The following ANKRD12 variants were observed in gnomAD, a reference collection of about 807,000 sequenced individuals.
The protein encoded by ANKRD12 is ankyrin repeat domain-containing protein 12.
ANKRD12 carries 85 observed loss-of-function variants against 183.4 expected under a neutral mutation model. The observed-to-expected ratio is 0.46, with a 90% CI of 0.39 to 0.56. The LOEUF (loss-of-function observed/expected upper bound fraction) is 0.56. Among genes scored for constraint, ANKRD12 ranks in the 20% least tolerant of loss-of-function variants. ANKRD12 has a pLI of 0.00. For missense variants in ANKRD12, 2,405 were observed against 2,357.1 expected (o/e 1.02, Z -0.42); for synonymous variants, 914 against 800.2 (o/e 1.14, Z -2.40).
chr18:9,244,672 C>T (rs959946564), intron 8 of ANKRD12, among the ~76,000 whole-genome samples: 1 of 152,132 alleles, frequency 6.6e-6, no homozygotes, highest in Non-Finnish European at 1.5e-5. Context: ...GCATTTTGTG[C>T]TGATGAACAA....
intron 1 of ANKRD12, among the ~76,000 whole-genome samples, chr18:9,164,619 G>T (rs2031834614): frequency 6.6e-6 from 1 of 152,104 alleles, no homozygotes. Context: ...TCGTTTCCAA[G>T]AACTTCTTGA....
intron 10 of ANKRD12, among the ~76,000 whole-genome samples, chr18:9,270,582 AGG>A (rs2039545620): frequency 1.3e-5 from 2 of 152,166 alleles, no homozygotes; most frequent in East Asian, 3.9e-4. Flanking sequence ...ACATGGACAC[AGG>A]AAGGGGAATG....
At chr18:9,209,523 T>C (rs1241393756) in intron 5 of ANKRD12, among the ~76,000 whole-genome samples, 1 of 152,178 alleles carries the variant, frequency 6.6e-6, no homozygotes, top group Non-Finnish European at 1.5e-5. Flanking sequence ...TATTGCCTCT[T>C]TTTAAAAAAC....
chr18:9,246,219 A>T (rs1176385095), intron 8 of ANKRD12, among the ~76,000 whole-genome samples: 1 of 152,182 alleles, frequency 6.6e-6, no homozygotes, highest in Non-Finnish European at 1.5e-5. Flanking sequence ...AACAAAGTTG[A>T]TATTATTGTA....
intron 8 of ANKRD12, among the ~76,000 whole-genome samples, chr18:9,224,069 A>G (rs756021918): frequency 6.6e-6 from 1 of 152,370 alleles, no homozygotes; most frequent in African/African-American, 2.4e-5. Flanking sequence ...ATATAGCAGA[A>G]TGAAACCAGG....
chr18:9,175,523 CTTTTTTTTTTTTT>C (rs33944736), intron 1 of ANKRD12, among the ~76,000 whole-genome samples: 3 of 53,302 alleles, frequency 5.6e-5, no homozygotes, highest in South Asian at 1.0e-3. Flanking sequence ...AAAGGCTCCT[CTTTTTTTTTTTTT>C]TTTTTTTTTT....
intron 10 of ANKRD12, among the ~76,000 whole-genome samples, chr18:9,267,554 C>T (rs528143887): frequency 4.6e-5 from 7 of 151,954 alleles, no homozygotes; most frequent in East Asian, 1.9e-4. Flanking sequence ...GCAGAAATAA[C>T]GATGTTCTTT....
At chr18:9,198,751 T>C in intron 3 of ANKRD12, among the ~76,000 whole-genome samples, 1 of 151,956 alleles carries the variant, frequency 6.6e-6, no homozygotes, top group East Asian at 1.9e-4. Flanking sequence ...AGTTTCACCA[T>C]GTTGGCCAGG....
At chr18:9,244,432 G>A (rs938541803) in intron 8 of ANKRD12, among the ~76,000 whole-genome samples, 4 of 152,052 alleles carry the variant, frequency 2.6e-5, no homozygotes, top group Non-Finnish European at 5.9e-5. Flanking sequence ...AGATCTTCCT[G>A]TTGAAGCTTC....
chr18:9,285,175 C>G lies in ANKRD12; in HGVS notation c.*4049C>G, dbSNP rs1174110918. The G allele has an allele frequency of 1.3e-5, 2 of 150,498 alleles. No homozygotes were observed. The highest frequency in any genetic ancestry group is 2.1e-4 in the South Asian group (1 of 4,784). The allele number at this position is 150,498 out of a possible 1,614,324, so 9.3% of individuals were successfully genotyped here. A position where few individuals can be genotyped will look rare whatever the true frequency, so the allele number is the denominator to read the frequency against. On this transcript the variant is annotated 3_prime_UTR_variant, in exon 13 of 13. Coordinates refer to ENST00000262126, the MANE Select transcript of ANKRD12 (RefSeq NM_015208.5). ...AGTGAGCCGAGATCGTGCCACTGCA[C>G]TCCAGCCTGGGCGACAGAGCGAGAC...
At chr18:9,234,235 C>A (rs1275775304) in intron 8 of ANKRD12, among the ~76,000 whole-genome samples, 1 of 152,208 alleles carries the variant, frequency 6.6e-6, no homozygotes, top group African/African-American at 2.4e-5. Context: ...ACCCCAGCCT[C>A]CCGTGGTAGC....
At chr18:9,153,114 G>A (rs1173499266) in intron 1 of ANKRD12, among the ~76,000 whole-genome samples, 3 of 152,128 alleles carry the variant, frequency 2.0e-5, no homozygotes, top group African/African-American at 2.4e-5. Context: ...AATTACAGGC[G>A]TGAGCCACTG....
intron 1 of ANKRD12, among the ~76,000 whole-genome samples, chr18:9,180,245 G>A (rs943915519): frequency 7.2e-5 from 11 of 152,022 alleles, no homozygotes; most frequent in Admixed American, 2.6e-4. Flanking sequence ...CTGTTTTGTC[G>A]ATGTTGTTAA....
At chr18:9,170,722 C>G (rs1192600535) in intron 1 of ANKRD12, among the ~76,000 whole-genome samples, 1 of 151,962 alleles carries the variant, frequency 6.6e-6, no homozygotes, top group Non-Finnish European at 1.5e-5. Flanking sequence ...GTCATTCTCC[C>G]TCCAGCTTTG....
chr18:9,144,091 A>G, intron 1 of ANKRD12, among the ~76,000 whole-genome samples: 1 of 152,034 alleles, frequency 6.6e-6, no homozygotes, highest in East Asian at 1.9e-4. Context: ...AATCATTTGC[A>G]TTTTCTCTAC....
At chr18:9,188,518 A>C (rs1038618991) in intron 2 of ANKRD12, among the ~76,000 whole-genome samples, 18 of 152,328 alleles carry the variant, frequency 1.2e-4, no homozygotes, top group African/African-American at 4.3e-4. Context: ...CTGTAATGGC[A>C]CCACCTACAG....
intron 1 of ANKRD12, among the ~76,000 whole-genome samples, chr18:9,175,315 C>T (rs1180220830): frequency 6.6e-6 from 1 of 151,934 alleles, no homozygotes; most frequent in African/African-American, 2.4e-5. Context: ...ATTTCTGTTC[C>T]CCATAGTCCT....
At position 9,283,234 on chromosome 18, in the gene ANKRD12, A is replaced by T. The variant is rs2040162999; in HGVS notation, c.*2108A>T. ...TGATGGTTCAACCAGAGGTCTGGGAAATAGCACTGTTGGCCCAAACAGAAC... is the reference window on the plus strand; with the variant it reads ...TGATGGTTCAACCAGAGGTCTGGGATATAGCACTGTTGGCCCAAACAGAAC... On this transcript the variant is annotated 3_prime_UTR_variant, in exon 13 of 13. Coordinates refer to ENST00000262126, the MANE Select transcript of ANKRD12 (RefSeq NM_015208.5). 1 of 152,184 alleles carries T rather than the reference A, an allele frequency of 6.6e-6. No individual in the cohort carries two copies. Among genetic ancestry groups the T allele is most frequent in the African/African-American group, 2.4e-5 (1 of 41,450 alleles). 9.4% of individuals were successfully genotyped at this position (152,184 alleles called of 1,614,324 possible). A position where few individuals can be genotyped will look rare whatever the true frequency, so the allele number is the denominator to read the frequency against.
intron 11 of ANKRD12, 115 bp downstream of exon 11, chr18:9,275,782 G>A: frequency 1.8e-6 from 2 of 1,098,716 alleles, no homozygotes; most frequent in African/African-American, 1.6e-5. Flanking sequence ...AAAGGTCAAA[G>A]AAGAAAAAAA....
Sources: gnomAD v4.1 joint callset for allele counts (sites outside exome capture counted in the v4.1 genomes callset) on GRCh38, gnomAD v4.1.1 for gene constraint, MANE v1.5 for transcripts, NCBI Gene and HGNC (gene_info 2026-07-23, HGNC 2026-07-21) for gene names.